Variants in TRAF3IP1 observed in about 807,000 individuals in gnomAD.
The protein encoded by TRAF3IP1 is intraflagellar transport 54, also known as TRAF3-interacting protein 1.
TRAF3IP1 carries 53 observed loss-of-function variants against 89.9 expected under a neutral mutation model. The ratio of observed to expected loss-of-function variants is 0.59; its 90% confidence interval spans 0.47 to 0.74. The LOEUF (loss-of-function observed/expected upper bound fraction) is 0.74, where lower values mean the gene tolerates loss of function less well. TRAF3IP1 is among the 30% of genes least tolerant of loss of function. The pLI is 0.00. For synonymous variants in TRAF3IP1, 311 were observed against 322.1 expected (o/e 0.97, Z 0.37); for missense variants, 806 against 866.1 (o/e 0.93, Z 0.87).
intron 15 of TRAF3IP1, among the ~76,000 whole-genome samples, chr2:238,356,596 C>T (rs1393654918): frequency 6.6e-6 from 1 of 152,030 alleles, no homozygotes; most frequent in Non-Finnish European, 1.5e-5. Context: ...GTATCCAGCC[C>T]CGTCTTGGGA....
chr2:238,365,612 C>G (rs373016823), intron 15 of TRAF3IP1, among the ~76,000 whole-genome samples: 1 of 151,688 alleles, frequency 6.6e-6, no homozygotes, highest in Non-Finnish European at 1.5e-5. Context: ...GAGCCAAGCT[C>G]GCGCCACTGC....
chr2:238,374,043 G>C (rs1208623153), intron 15 of TRAF3IP1, among the ~76,000 whole-genome samples: 7 of 152,224 alleles, frequency 4.6e-5, no homozygotes, highest in Admixed American at 4.6e-4. Context: ...GAGACAATGG[G>C]GTTTTCTAAA....
At chr2:238,395,357 C>T (rs1447602566) in intron 15 of TRAF3IP1, among the ~76,000 whole-genome samples, 3 of 152,132 alleles carry the variant, frequency 2.0e-5, no homozygotes, top group Non-Finnish European at 2.9e-5. Flanking sequence ...TGGATCCCTT[C>T]CTTACACCTT....
intron 15 of TRAF3IP1, among the ~76,000 whole-genome samples, chr2:238,390,868 C>T (rs1033759200): frequency 3.3e-5 from 5 of 151,820 alleles, no homozygotes; most frequent in African/African-American, 9.7e-5. Context: ...GCACTGACTG[C>T]GGGTCCTGCT....
intron 14 of TRAF3IP1, among the ~76,000 whole-genome samples, chr2:238,355,711 A>G (rs1193531777): frequency 6.6e-6 from 1 of 152,096 alleles, no homozygotes; most frequent in Non-Finnish European, 1.5e-5. Flanking sequence ...TTGGATGTCA[A>G]TCTACACTCC....
chr2:238,333,919 T>TAA (rs1431742418), intron 6 of TRAF3IP1, 41 bp from the exon 7 acceptor site: 1 of 1,495,610 alleles, frequency 6.7e-7, no homozygotes, highest in East Asian at 2.3e-5. Context: ...TACTGCTGTG[T>TAA]AATACATCAA....
In TRAF3IP1 at chr2:238,379,858, C is replaced by T. The variant is rs188871540; in HGVS notation, c.1690-17601C>T. 3.9e-4 allele frequency among the ~76,000 whole-genome samples: 59 copies of T among 152,220 alleles called. No individual in the cohort carries two copies. Among genetic ancestry groups the T allele is most frequent in the Non-Finnish European group, 7.1e-4 (48 of 68,010 alleles). On this transcript the variant is annotated intron_variant, in intron 15 of 16. Coordinates refer to ENST00000373327, the MANE Select transcript of TRAF3IP1 (RefSeq NM_015650.4). This position sits in a 1 kb window ranked among gnomAD's most constrained non-coding sequence, Gnocchi z 4.0. ...GAAAATGATTAATATTTTAGTAAGA[C>T]ATTTAAAATAGCAAATCCAATTAGT...
At chr2:238,332,694 T>C (rs1698186722) in intron 5 of TRAF3IP1, 130 bp from the exon 6 acceptor site, 6 of 680,266 alleles carry the variant, frequency 8.8e-6, no homozygotes, top group Non-Finnish European at 1.5e-5. Context: ...AGAGCTGGAC[T>C]GGCGATGTGG....
At chr2:238,362,030 T>G (rs1699683013) in intron 15 of TRAF3IP1, among the ~76,000 whole-genome samples, 1 of 152,198 alleles carries the variant, frequency 6.6e-6, no homozygotes, top group African/African-American at 2.4e-5. Flanking sequence ...ACCTGACCTC[T>G]CAGTTGTTAT....
intron 9 of TRAF3IP1, 138 bp from the exon 10 acceptor site, chr2:238,347,317 T>C: frequency 2.4e-6 from 2 of 850,706 alleles, no homozygotes; most frequent in South Asian, 3.1e-5. Flanking sequence ...GAAAAGCGGC[T>C]ATGAGGAAAT....
At chr2:238,341,187 ATTTT>A (rs11323220) in intron 8 of TRAF3IP1, among the ~76,000 whole-genome samples, 16,326 of 140,318 alleles carry the variant, frequency 0.12, 1,449 homozygotes, top group African/African-American at 0.27. Context: ...TGCCTAGCTA[ATTTT>A]TTTTTTTTTT....
At chr2:238,347,352 C>T (rs1291673617) in intron 9 of TRAF3IP1, 103 bp from the exon 10 acceptor site, 2 of 1,243,734 alleles carry the variant, frequency 1.6e-6, no homozygotes, top group African/African-American at 3.0e-5. Context: ...AGCAGACATC[C>T]AAAATTATGT....
intron 15 of TRAF3IP1, among the ~76,000 whole-genome samples, chr2:238,380,781 C>T (rs1700512837): frequency 6.6e-6 from 1 of 152,142 alleles, no homozygotes; most frequent in Admixed American, 6.5e-5. Flanking sequence ...ATAACAGAAA[C>T]ACTGTTGTAA....
At chr2:238,393,270 C>T (rs541723602) in intron 15 of TRAF3IP1, among the ~76,000 whole-genome samples, 27 of 152,254 alleles carry the variant, frequency 1.8e-4, no homozygotes, top group Non-Finnish European at 2.6e-4. Context: ...GGTTTGAATT[C>T]GCATTTCCCT....
At chr2:238,377,208 C>T (rs1223170673) in intron 15 of TRAF3IP1, among the ~76,000 whole-genome samples, 1 of 142,802 alleles carries the variant, frequency 7.0e-6, no homozygotes, top group Non-Finnish European at 1.5e-5. Context: ...TGGGTAACCT[C>T]GTTTCCTTCC....
At position 238,334,198 on chromosome 2, in the gene TRAF3IP1, T is replaced by TA. The variant is rs1381856338; in HGVS notation, c.1063+164dup. 1.1e-5 allele frequency: 7 copies of TA among 638,346 alleles called. No homozygotes were observed. The South Asian group carries it at 1.2e-4, about 11-fold the overall frequency. 39.5% of individuals were successfully genotyped at this position (638,346 alleles called of 1,614,324 possible). The stretch of plus-strand genomic sequence containing the variant: ...GGAAATAATGAAGATTTGTGGCTGT[T>TA]ACATACACATGCGTGTGTGCACAAG... On this transcript the variant is annotated intron_variant, in intron 7 of 16. Transcript: ENST00000373327.
Position 238,328,972 on chromosome 2 carries a change from G to A in TRAF3IP1, c.545G>A (p.Arg182Gln), listed in dbSNP as rs962210513. The change falls in exon 5 of 17, where the codon CGA becomes CAA. Residue 182 changes from arginine (R) to glutamine (Q), a missense_variant. Transcript: ENST00000373327. ...AAAGAGAGAAGTACAAGCAGAGATC[G>A]AAAACAGAAGGAAGAATTGAAAGAA... ...EIKERSTSRD[R>Q]KQKEELKEDR... 7.7e-6 allele frequency: 12 copies of A among 1,552,814 alleles called. No homozygotes were observed. Among genetic ancestry groups the A allele is most frequent in the African/African-American group, 5.5e-5 (4 of 72,514 alleles).
intron 12 of TRAF3IP1, among the ~76,000 whole-genome samples, chr2:238,349,752 A>G (rs181537748): frequency 6.6e-6 from 1 of 152,230 alleles, no homozygotes; most frequent in Non-Finnish European, 1.5e-5. Flanking sequence ...ATTGCAGAAA[A>G]ATTAAAAATA....
At chr2:238,334,583 G>A (rs985754237) in intron 7 of TRAF3IP1, among the ~76,000 whole-genome samples, 1 of 152,220 alleles carries the variant, frequency 6.6e-6, no homozygotes, top group South Asian at 2.1e-4. Flanking sequence ...CACTGGCATT[G>A]GAGGCTTATT....
Sources: allele counts gnomAD v4.1 joint callset (sites outside exome capture counted in the v4.1 genomes callset), GRCh38; gene constraint gnomAD v4.1.1; non-coding constraint Gnocchi (gnomAD v3.1); transcripts MANE v1.5; gene names NCBI Gene and HGNC (gene_info 2026-07-23, HGNC 2026-07-21).